FHOD3: variants seen among roughly 807,000 people sequenced by gnomAD.
FHOD3 encodes FH1/FH2 domain-containing protein 3.
Under a neutral mutation model 173.0 loss-of-function variants are expected in FHOD3, and 90 were observed. That is an observed-to-expected ratio of 0.52 (90% CI 0.44 to 0.62). FHOD3 has a LOEUF of 0.62. Ranked by LOEUF, FHOD3 falls within the 20% of genes least tolerant of loss-of-function variation. The pLI, the probability that FHOD3 is intolerant of heterozygous loss-of-function variation, is 0.00. For missense variants in FHOD3, 1,945 were observed against 2,034.7 expected, an observed-to-expected ratio of 0.96 and a Z score of 0.85; for synonymous variants, 828 against 823.0, an observed-to-expected ratio of 1.01 and a Z score of -0.10.
At chr18:36,774,455 G>T (rs2043536831) in intron 28 of FHOD3, among the ~76,000 whole-genome samples, 1 of 152,124 alleles carries the variant, frequency 6.6e-6, no homozygotes, top group Non-Finnish European at 1.5e-5. Flanking sequence ...GCCTTTTCCT[G>T]CATCTCAGAT....
chr18:36,396,059 T>C (rs183078060), intron 3 of FHOD3, among the ~76,000 whole-genome samples: 1 of 152,344 alleles, frequency 6.6e-6, no homozygotes, highest in East Asian at 1.9e-4. Context: ...ATAATATCCT[T>C]GGCCAACATT....
At chr18:36,482,864 G>C (rs62086187) in intron 3 of FHOD3, among the ~76,000 whole-genome samples, 16,486 of 48,242 alleles carry the variant, frequency 0.34, 1,220 homozygotes, top group East Asian at 0.55. Flanking sequence ...CACACAGAGA[G>C]AGAGAGAGAG....
intron 18 of FHOD3, 153 bp downstream of exon 18, chr18:36,709,544 G>A (rs2040056865): frequency 2.4e-6 from 2 of 816,544 alleles, no homozygotes; most frequent in Admixed American, 2.9e-5. Flanking sequence ...GGGACAAGGA[G>A]TGTGGCCACG....
intron 1 of FHOD3, among the ~76,000 whole-genome samples, chr18:36,305,430 A>G (rs2092066228): frequency 6.6e-6 from 1 of 152,244 alleles, no homozygotes; most frequent in Admixed American, 6.5e-5. Flanking sequence ...AAAATGAAAC[A>G]AATTAGTTTC....
chr18:36,681,612 A>C (rs778642416), intron 15 of FHOD3, 42 bp downstream of exon 15: 5 of 1,527,846 alleles, frequency 3.3e-6, no homozygotes, highest in South Asian at 1.1e-5. Context: ...GTGAGTTAAA[A>C]ATTAAAGGCA....
chr18:36,410,366 A>G (rs1240660914), intron 3 of FHOD3, among the ~76,000 whole-genome samples: 1 of 152,130 alleles, frequency 6.6e-6, no homozygotes, highest in African/African-American at 2.4e-5. Context: ...CTAATATTCC[A>G]TTGTATGGAT....
At chr18:36,671,158 T>C (rs2037507344) in intron 14 of FHOD3, among the ~76,000 whole-genome samples, 1 of 152,256 alleles carries the variant, frequency 6.6e-6, no homozygotes. Flanking sequence ...GAGGTCTCTC[T>C]CTCTCTGTAT....
intron 14 of FHOD3, among the ~76,000 whole-genome samples, chr18:36,664,777 TGAGAGAGAGAGAGAGAGAGAGA>T (rs373836211): frequency 2.3e-5 from 3 of 129,526 alleles, no homozygotes; most frequent in African/African-American, 8.7e-5. Context: ...TGTGTGTATG[TGAGAGAGAGAGAGAGAGAGAGA>T]GAGAGAGAGA....
At chr18:36,647,505 G>A (rs538569062) in intron 10 of FHOD3, among the ~76,000 whole-genome samples, 1 of 143,616 alleles carries the variant, frequency 7.0e-6, no homozygotes, top group African/African-American at 2.6e-5. Context: ...TACTTATGGG[G>A]ATGGTAATTC....
At chr18:36,488,134 C>T (rs954866655) in intron 3 of FHOD3, among the ~76,000 whole-genome samples, 1 of 152,118 alleles carries the variant, frequency 6.6e-6, no homozygotes, top group African/African-American at 2.4e-5. Flanking sequence ...GTGGCTGTTT[C>T]CATCTTGAAG....
At chr18:36,343,854 A>G (rs781428587) in intron 1 of FHOD3, among the ~76,000 whole-genome samples, 3 of 152,108 alleles carry the variant, frequency 2.0e-5, no homozygotes, top group African/African-American at 7.2e-5. Context: ...TTCCACTTAC[A>G]TGAAGTGTCT....
At chr18:36,562,583 A>G (rs1040299882) in intron 5 of FHOD3, among the ~76,000 whole-genome samples, 1 of 152,142 alleles carries the variant, frequency 6.6e-6, no homozygotes, top group Admixed American at 6.6e-5. Flanking sequence ...GAAGCGGACC[A>G]GTGCCTCCTA....
At chr18:36,652,409 G>A (rs1470636445) in intron 11 of FHOD3, among the ~76,000 whole-genome samples, 161 bp from the exon 12 acceptor site, 3 of 152,266 alleles carry the variant, frequency 2.0e-5, no homozygotes, top group African/African-American at 7.2e-5. Flanking sequence ...AGCTGCTGGT[G>A]ACAGGCTTTT....
intron 5 of FHOD3, 39 bp downstream of exon 5, chr18:36,512,582 C>T: frequency 7.0e-7 from 1 of 1,438,788 alleles, no homozygotes; most frequent in Non-Finnish European, 9.8e-7. Flanking sequence ...GCCCCAGCTG[C>T]AGGGGGGATC....
At chr18:36,660,507 A>G (rs572457617) in intron 14 of FHOD3, among the ~76,000 whole-genome samples, 2 of 152,338 alleles carry the variant, frequency 1.3e-5, no homozygotes, top group South Asian at 4.1e-4. Context: ...CGTGCCCAAC[A>G]TGGCACTGGC....
At chr18:36,381,926 A>G (rs1221756688) in intron 3 of FHOD3, among the ~76,000 whole-genome samples, 1 of 152,206 alleles carries the variant, frequency 6.6e-6, no homozygotes, top group Non-Finnish European at 1.5e-5. Context: ...TGTGGCAGTG[A>G]GTAGACTGTC....
chr18:36,326,385 A>G (rs1421910105), intron 1 of FHOD3, among the ~76,000 whole-genome samples: 8 of 152,222 alleles, frequency 5.3e-5, no homozygotes, highest in East Asian at 3.8e-4. Context: ...TTTCTCATAT[A>G]TGAAGTCAGA....
At chr18:36,590,791 G>T (rs2059189956) in intron 6 of FHOD3, among the ~76,000 whole-genome samples, 1 of 152,204 alleles carries the variant, frequency 6.6e-6, no homozygotes, top group South Asian at 2.1e-4. Flanking sequence ...AATAGAAAAA[G>T]GAGGCTTTGC....
At chr18:36,750,224 C>T (rs1306883197) in intron 24 of FHOD3, among the ~76,000 whole-genome samples, 3 of 152,086 alleles carry the variant, frequency 2.0e-5, no homozygotes, top group Non-Finnish European at 4.4e-5. Flanking sequence ...GGAGGTGGAG[C>T]TTGCAGTGAG....
Sources: allele counts gnomAD v4.1 joint callset (sites outside exome capture counted in the v4.1 genomes callset), GRCh38; gene constraint gnomAD v4.1.1; transcripts MANE v1.5; gene names NCBI Gene and HGNC (gene_info 2026-07-23, HGNC 2026-07-21).